The following GFM2 variants were observed in gnomAD, a reference collection of about 807,000 sequenced individuals.
The protein encoded by GFM2 is ribosome-releasing factor 2, mitochondrial.
Under a neutral mutation model 95.4 loss-of-function variants are expected in GFM2, and 72 were observed. The observed-to-expected ratio is 0.76, with a 90% CI of 0.62 to 0.92. GFM2 has a LOEUF of 0.92. GFM2 is among the 40% of genes least tolerant of loss of function. The pLI is 0.00. For synonymous variants in GFM2, 276 were observed against 317.5 expected, an observed-to-expected ratio of 0.87 and a Z score of 1.39; for missense variants, 825 against 924.1, an observed-to-expected ratio of 0.89 and a Z score of 1.39.
At chr5:74,727,413 T>C (rs1265814324) in intron 17 of GFM2, among the ~76,000 whole-genome samples, 2 of 152,236 alleles carry the variant, frequency 1.3e-5, no homozygotes, top group Non-Finnish European at 2.9e-5. Context: ...TTATGCCATA[T>C]GTATACGGCA....
Position 74,725,847 on chromosome 5 carries a change from A to T in GFM2, c.1913-92T>A, listed in dbSNP as rs1750121881. The stretch of plus-strand genomic sequence containing the variant: ...AAAGGAATAGGGAGAAAACACTAAC[A>T]AAGTTAGGAAAAAGACTGAAATAAT... On this transcript the variant is annotated intron_variant, in intron 18 of 20. Coordinates refer to ENST00000296805, the MANE Select transcript of GFM2 (RefSeq NM_032380.5). 11 of 1,450,124 alleles carry T rather than the reference A, an allele frequency of 7.6e-6. No homozygotes were observed. In the South Asian group the frequency reaches 1.2e-4, roughly 16 times the overall value. 89.8% of individuals were successfully genotyped at this position (1,450,124 alleles called of 1,614,324 possible). A position where few individuals can be genotyped will look rare whatever the true frequency, so the allele number is the denominator to read the frequency against.
chr5:74,758,819 G>C (rs750782686), intron 5 of GFM2, 30 bp downstream of exon 5: 29 of 1,322,286 alleles, frequency 2.2e-5, no homozygotes, highest in Non-Finnish European at 2.9e-5. Flanking sequence ...TGCTAATGGG[G>C]GGGTGGGAAG....
At chr5:74,754,566 T>A (rs913469204) in intron 5 of GFM2, among the ~76,000 whole-genome samples, 2 of 152,030 alleles carry the variant, frequency 1.3e-5, no homozygotes, top group Non-Finnish European at 2.9e-5. Flanking sequence ...TAACTGTTCT[T>A]ATATCAGACA....
Position 74,745,599 on chromosome 5 carries a change from A to C in GFM2, c.849+79T>G, listed in dbSNP as rs1743341663. 3.5e-5 allele frequency: 43 copies of C among 1,232,094 alleles called. No individual in the cohort carries two copies. In the South Asian group the frequency reaches 6.5e-4, roughly 19 times the overall value. The allele number at this position is 1,232,094 out of a possible 1,614,324, so 76.3% of individuals were successfully genotyped here. A position where few individuals can be genotyped will look rare whatever the true frequency, so the allele number is the denominator to read the frequency against. On this transcript the variant is annotated intron_variant, in intron 10 of 20. Coordinates refer to ENST00000296805, the MANE Select transcript of GFM2 (RefSeq NM_032380.5). Reference sequence around the variant, plus strand: ...CAGGAGGTCCTGCAACCAATCCCCGAGAGATGCTAAAGTATGACTATATTT... The same window carrying C: ...CAGGAGGTCCTGCAACCAATCCCCGCGAGATGCTAAAGTATGACTATATTT...
Position 74,735,591 on chromosome 5 carries a change from T to G in GFM2, c.1510+1205A>C, listed in dbSNP as rs1024815347. Among the ~76,000 whole-genome samples, 2 of 152,250 alleles carry G rather than the reference T, an allele frequency of 1.3e-5. 1 individual carries two copies. The highest frequency in any genetic ancestry group is 6.8e-3 in the Middle Eastern group (2 of 294). ...GCCTCATAAAGTGTGATGCTTGAGG[T>G]GAGACCTAAAGAAAGGGTAAACCTT... is the stretch of plus-strand genomic sequence containing the variant. On this transcript the variant is annotated intron_variant, in intron 15 of 20. Transcript: ENST00000296805.
At chr5:74,755,047 G>T (rs1743911267) in intron 5 of GFM2, among the ~76,000 whole-genome samples, 1 of 152,150 alleles carries the variant, frequency 6.6e-6, no homozygotes, top group Non-Finnish European at 1.5e-5. Flanking sequence ...AATGAGCCAA[G>T]ATTGCACCAT....
chr5:74,735,810 G>A (rs1051674579), intron 15 of GFM2, among the ~76,000 whole-genome samples: 3 of 152,148 alleles, frequency 2.0e-5, no homozygotes, highest in African/African-American at 7.2e-5. Flanking sequence ...GAAGGCGGAA[G>A]TTTCACAAGA....
chr5:74,722,576 G>C lies in GFM2; in HGVS notation c.2029-15C>G. 1 of 1,591,218 alleles carries C rather than the reference G, an allele frequency of 6.3e-7. No homozygotes were observed. The highest frequency in any genetic ancestry group is 1.1e-5 in the South Asian group (1 of 87,362). On this transcript the variant is annotated splice_polypyrimidine_tract_variant and intron_variant, in intron 19 of 20. Transcript: ENST00000296805. ...TTCTTCAGAGCCTAAAGAAATTAAA[G>C]AATGTTAACTTATCTTTCATAAATA...
intron 1 of GFM2, chr5:74,765,188 G>T: frequency 1.0e-6 from 1 of 989,800 alleles, no homozygotes; most frequent in Non-Finnish European, 1.2e-6. Flanking sequence ...TAACTCAGTG[G>T]TTGTCAATAA....
intron 17 of GFM2, 132 bp from the exon 18 acceptor site, chr5:74,726,258 G>T: frequency 1.7e-6 from 1 of 605,022 alleles, no homozygotes; most frequent in Non-Finnish European, 2.9e-6. Flanking sequence ...ATTAACAATG[G>T]CACTAAATAC....
In GFM2 at chr5:74,750,831, A is replaced by G. The variant is rs6873998; in HGVS notation, c.431-164T>C. On this transcript the variant is annotated intron_variant, in intron 6 of 20. Transcript: ENST00000296805. ...TCAGAGCTATTTGCACACCCTCCAT[A>G]GCAGCACTGGTAGACAAAAGGTGGA... Among the ~76,000 whole-genome samples the G allele has an allele frequency of 0.16, 24,427 of 152,170 alleles. 2,385 individuals carry two copies. Among genetic ancestry groups the G allele is most frequent in the African/African-American group, 0.27 (11,343 of 41,470 alleles).
intron 5 of GFM2, among the ~76,000 whole-genome samples, chr5:74,756,850 A>G (rs1744013351): frequency 6.6e-6 from 1 of 152,182 alleles, no homozygotes; most frequent in Admixed American, 6.5e-5. Flanking sequence ...GTTCTCACTC[A>G]TAAGTGGGAT....
At chr5:74,723,450 G>T (rs1750010187) in intron 19 of GFM2, among the ~76,000 whole-genome samples, 1 of 151,940 alleles carries the variant, frequency 6.6e-6, no homozygotes, top group South Asian at 2.1e-4. Flanking sequence ...GTTCACCTTT[G>T]ACTTCCTTTT....
In GFM2 at chr5:74,722,491, T is replaced by C. The variant is rs756592166; in HGVS notation, c.2099A>G (p.Tyr700Cys). 1.2e-6 allele frequency: 2 copies of C among 1,614,004 alleles called. No individual in the cohort carries two copies. The highest frequency in any genetic ancestry group is 1.1e-5 in the South Asian group (1 of 91,078). ...CAGATCTGCCAGGACAGGGCTGAGA[T>C]AATCTCTAGCTACTGTAACCTCAAG... ...MNLEVTVARDYLSPVLADLAQ... is the reference protein window; with the variant it reads ...MNLEVTVARDCLSPVLADLAQ... The change falls in exon 20 of 21, where the codon TAT becomes TGT. Residue 700 changes from tyrosine to cysteine, a missense_variant. Tyr to Cys is a radical substitution (Grantham distance 194). Transcript: ENST00000296805.
Position 74,721,297 on chromosome 5 carries a change from CCT to C in GFM2, c.*356_*357del. The C allele has an allele frequency of 1.1e-6, 1 of 871,782 alleles. No individual in the cohort carries two copies. Among genetic ancestry groups the C allele is most frequent in the African/African-American group, 1.7e-5 (1 of 59,870 alleles). The allele number at this position is 871,782 out of a possible 1,614,324, so 54.0% of individuals were successfully genotyped here. A position where few individuals can be genotyped will look rare whatever the true frequency, so the allele number is the denominator to read the frequency against. On this transcript the variant is annotated 3_prime_UTR_variant, in exon 21 of 21. Coordinates refer to ENST00000296805, the MANE Select transcript of GFM2 (RefSeq NM_032380.5). ...TATTTTTATTGATTGAACCTTTGAC[CCT>C]CTATCTTATTACATTTAGAGGCCTG...
chr5:74,760,879 T>G, intron 3 of GFM2, 23 bp downstream of exon 3: 1 of 1,445,656 alleles, frequency 6.9e-7, no homozygotes, highest in Non-Finnish European at 9.6e-7. Context: ...TTAGATAAAA[T>G]TAGAAGACTC....
Position 74,763,738 on chromosome 5 carries a change from A to G in GFM2, c.5T>C (p.Leu2Ser). 6.2e-7 allele frequency: 1 copy of G among 1,606,746 alleles called. No individual in the cohort carries two copies. Among genetic ancestry groups the G allele is most frequent in the Non-Finnish European group, 8.5e-7 (1 of 1,174,110 alleles). Residue 2 changes from leucine to serine, a missense_variant, in exon 2 of 21, where the codon TTG becomes TCG. Coordinates refer to ENST00000296805, the MANE Select transcript of GFM2 (RefSeq NM_032380.5). M[L>S]TNLRIFAMSH... ...CATTGCAAATATCCTCAAGTTGGTC[A>G]ACATCTTGATCCTCCAAACTGTTAC...
At chr5:74,756,676 T>TAC (rs1264873539) in intron 5 of GFM2, among the ~76,000 whole-genome samples, 1 of 151,528 alleles carries the variant, frequency 6.6e-6, no homozygotes, top group African/African-American at 2.4e-5. Context: ...TATATATATA[T>TAC]ACACACACAT....
chr5:74,754,471 C>T (rs1303681677), intron 5 of GFM2, among the ~76,000 whole-genome samples: 1 of 151,986 alleles, frequency 6.6e-6, no homozygotes, highest in African/African-American at 2.4e-5. Context: ...AAGAGACTCA[C>T]CTAACACATA....
Sources: allele counts gnomAD v4.1 joint callset (sites outside exome capture counted in the v4.1 genomes callset), GRCh38; gene constraint gnomAD v4.1.1; transcripts MANE v1.5; gene names NCBI Gene and HGNC (gene_info 2026-07-23, HGNC 2026-07-21).